The following UBALD1 variants were observed in gnomAD, a reference collection of about 807,000 sequenced individuals.
The protein encoded by UBALD1 is UBA-like domain-containing protein 1.
In UBALD1, 5 loss-of-function variants were observed where a neutral mutation model predicts 16.1. That is an observed-to-expected ratio of 0.31 (90% CI 0.16 to 0.66). The LOEUF is 0.66. Ranked by LOEUF, UBALD1 falls within the 30% of genes least tolerant of loss-of-function variation. The probability of loss-of-function intolerance (pLI) is 0.77; values close to 1 mark genes in which losing one functional copy is unlikely to be tolerated. For synonymous variants in UBALD1, 146 were observed against 105.3 expected (o/e 1.39, Z -2.37); for missense variants, 220 against 252.8 (o/e 0.87, Z 0.88).
rs1897323138 is a variant in UBALD1, at chr16:4,609,033, C to T, written c.*600G>A. ...TCCTGGAGTTTCCCACAATCCTTTT[C>T]TCTGCAAGGAACAGCAACGCTGGCT... On this transcript the variant is annotated 3_prime_UTR_variant, in exon 3 of 3. Coordinates refer to ENST00000283474, the MANE Select transcript of UBALD1 (RefSeq NM_145253.3). The T allele has an allele frequency of 6.8e-6, 1 of 146,888 alleles. No homozygotes were observed. Among genetic ancestry groups the T allele is most frequent in the Non-Finnish European group, 1.5e-5 (1 of 67,264 alleles). The allele number at this position is 146,888 out of a possible 1,614,324, so 9.1% of individuals were successfully genotyped here.
In UBALD1 at chr16:4,614,872, C is replaced by A; in HGVS notation, c.-75G>T. On this transcript the variant is annotated 5_prime_UTR_variant, in exon 1 of 3. Coordinates refer to ENST00000283474, the MANE Select transcript of UBALD1 (RefSeq NM_145253.3). Reference sequence around the variant, plus strand: ...GCCTCACGCGTCCACCATTAGCGAGCCGGCTCCGGCTAATACAAATATTTA... The same window carrying A: ...GCCTCACGCGTCCACCATTAGCGAGACGGCTCCGGCTAATACAAATATTTA... 3 of 1,352,800 alleles carry A rather than the reference C, an allele frequency of 2.2e-6. No homozygotes were observed. Among genetic ancestry groups the A allele is most frequent in the Non-Finnish European group, 1.9e-6 (2 of 1,038,848 alleles). 83.8% of individuals were successfully genotyped at this position (1,352,800 alleles called of 1,614,324 possible). A position where few individuals can be genotyped will look rare whatever the true frequency, so the allele number is the denominator to read the frequency against.
intron 1 of UBALD1, chr16:4,611,060 A>T: frequency 4.7e-6 from 1 of 212,186 alleles, no homozygotes; most frequent in Admixed American, 5.9e-5. Context: ...AAGGAGTCTG[A>T]GCCTGGTGGT....
chr16:4,610,377 G>A (rs1405040294), intron 2 of UBALD1, 116 bp downstream of exon 2: 42 of 1,148,764 alleles, frequency 3.7e-5, no homozygotes, highest in African/African-American at 1.5e-5. Context: ...CTCCAAAGAG[G>A]TCGAGCCCCG....
In UBALD1 at chr16:4,609,667, G is replaced by A; in HGVS notation, c.500C>T (p.Pro167Leu). The change falls in exon 3 of 3, where the codon CCC (proline) becomes CTC (leucine). Residue 167 changes from proline (P) to leucine (L), a missense_variant. Physicochemically the swap from Pro to Leu is moderately conservative, Grantham distance 98 (BLOSUM62 -3). Transcript: ENST00000283474. Reference sequence around the variant, plus strand: ...TGCCTCCATGGCAGGGTGGGCCCTGGGTTCTGAGGTGGCCTGTTGGGGGGC... The same window carrying A: ...TGCCTCCATGGCAGGGTGGGCCCTGAGTTCTGAGGTGGCCTGTTGGGGGGC... ...PLAPQQATSEPRAHPAMEAER is the reference protein window; with the variant it reads ...PLAPQQATSELRAHPAMEAER The A allele has an allele frequency of 6.9e-7, 1 of 1,439,160 alleles. No individual in the cohort carries two copies. The highest frequency in any genetic ancestry group is 9.1e-7 in the Non-Finnish European group (1 of 1,096,172). 89.1% of individuals were successfully genotyped at this position (1,439,160 alleles called of 1,614,324 possible).
rs555442398 is a variant in UBALD1 at position 4,613,505 on chromosome 16, G to T, written c.120+1173C>A. ...CTTGGGACATTCTGATCCCCCTGCA[G>T]TCCCCAGGAAGCGGAGCCTCAGAGT... is the stretch of plus-strand genomic sequence containing the variant. On this transcript the variant is annotated intron_variant, in intron 1 of 2. Coordinates refer to ENST00000283474, the MANE Select transcript of UBALD1 (RefSeq NM_145253.3). Among the ~76,000 whole-genome samples, 17 of 152,270 alleles carry T rather than the reference G, an allele frequency of 1.1e-4. No individual in the cohort carries two copies. In the South Asian group the frequency reaches 3.5e-3, roughly 32 times the overall value.
At position 4,609,287 on chromosome 16, in the gene UBALD1, A is replaced by C; in HGVS notation, c.*346T>G. 6.8e-5 allele frequency: 15 copies of C among 220,844 alleles called. No individual in the cohort carries two copies. The highest frequency in any genetic ancestry group is 9.0e-5 in the East Asian group (1 of 11,062). The allele number at this position is 220,844 out of a possible 1,614,324, so 13.7% of individuals were successfully genotyped here. On this transcript the variant is annotated 3_prime_UTR_variant, in exon 3 of 3. Transcript: ENST00000283474. ...GCCCCCAAGGAGCTCCAAGCCAGGGATCAGCAATGTCTCTGCCAGGGTGGT... is the reference window on the plus strand; with the variant it reads ...GCCCCCAAGGAGCTCCAAGCCAGGGCTCAGCAATGTCTCTGCCAGGGTGGT...
Position 4,609,683 on chromosome 16 carries a change from G to C in UBALD1, c.484C>G (p.Gln162Glu), listed in dbSNP as rs146689623. ...TGGGCCCTGGGTTCTGAGGTGGCCT[G>C]TTGGGGGGCCAGGGGTGGCCAGTCT... The part of the protein sequence containing the change: ...ASDWPPLAPQ[Q>E]ATSEPRAHPA... Residue 162 changes from glutamine to glutamate, a missense_variant, in exon 3 of 3, where the codon CAG becomes GAG. Transcript: ENST00000283474. 3.4e-4 allele frequency: 496 copies of C among 1,473,548 alleles called. 2 individuals are homozygous for C. In the African/African-American group the frequency reaches 6.5e-3, roughly 19 times the overall value. 91.3% of individuals were successfully genotyped at this position (1,473,548 alleles called of 1,614,324 possible).
chr16:4,614,561 C>A, intron 1 of UBALD1, 117 bp downstream of exon 1: 1 of 1,292,046 alleles, frequency 7.7e-7, no homozygotes, highest in Non-Finnish European at 9.9e-7. Context: ...GTCGGGTCTG[C>A]GGCCCGGAGG....
rs953414117 is a variant in UBALD1, at chr16:4,614,247, C to T, written c.120+431G>A. On this transcript the variant is annotated intron_variant, in intron 1 of 2. Coordinates refer to ENST00000283474, the MANE Select transcript of UBALD1 (RefSeq NM_145253.3). ...CATGGACGTGTGCGCACGCCGCCGA[C>T]CGCCCACCAGGCACGCGGACCCTCG... The T allele has an allele frequency of 2.0e-5, 7 of 345,328 alleles. No individual in the cohort carries two copies. In the East Asian group the frequency reaches 3.0e-4, roughly 15 times the overall value. 21.4% of individuals were successfully genotyped at this position (345,328 alleles called of 1,614,324 possible). A position where few individuals can be genotyped will look rare whatever the true frequency, so the allele number is the denominator to read the frequency against.
At chr16:4,614,501 G>A (rs1396543941) in intron 1 of UBALD1, 177 bp downstream of exon 1, 3 of 1,124,760 alleles carry the variant, frequency 2.7e-6, no homozygotes, top group Non-Finnish European at 1.2e-6. Context: ...ACCTCCGCCC[G>A]CCGCGAGCCC....
chr16:4,614,490 C>T, intron 1 of UBALD1, 188 bp downstream of exon 1: 1 of 1,026,096 alleles, frequency 9.7e-7, no homozygotes, highest in South Asian at 2.2e-5. Flanking sequence ...GCCCGGTTCC[C>T]ACCTCCGCCC....
rs776843907 is a variant in UBALD1, at chr16:4,609,995, AGAGAG to A, written c.184-17_184-13del. 6.4e-6 allele frequency: 10 copies of A among 1,559,762 alleles called. No individual in the cohort carries two copies. In the African/African-American group the frequency reaches 9.5e-5, roughly 15 times the overall value. ...GCGGGGGTGCACATCTGTGAGGGGA[AGAGAG>A]GAGAGATGGGGTGAGCACCCCTTCC... On this transcript the variant is annotated splice_polypyrimidine_tract_variant and intron_variant, in intron 2 of 2. Coordinates refer to ENST00000283474, the MANE Select transcript of UBALD1 (RefSeq NM_145253.3).
chr16:4,610,245 CG>C (rs2141783374), intron 2 of UBALD1: 1 of 712,972 alleles, frequency 1.4e-6, no homozygotes, highest in South Asian at 1.5e-5. Flanking sequence ...ACAGCATCCC[CG>C]GGGGCTGTAG....
intron 1 of UBALD1, 65 bp downstream of exon 1, chr16:4,614,613 C>A (rs1449277110): frequency 1.5e-6 from 2 of 1,292,624 alleles, no homozygotes; most frequent in African/African-American, 1.6e-5. Context: ...CGCCCCCGCC[C>A]GGCGGCCACG....
chr16:4,614,385 C>G (rs898011956), intron 1 of UBALD1: 134 of 377,686 alleles, frequency 3.5e-4, no homozygotes, highest in Non-Finnish European at 5.5e-4. Context: ...CCGCCCGGCC[C>G]TCGGCCGTTA....
At chr16:4,610,215 CCCA>C in intron 2 of UBALD1, 1 of 711,864 alleles carries the variant, frequency 1.4e-6, no homozygotes, top group East Asian at 2.7e-5. Context: ...GCTTTCCCAG[CCCA>C]CCCCTTTCCA....
In UBALD1 at chr16:4,609,440, C is replaced by G. The variant is rs529185881; in HGVS notation, c.*193G>C. The G allele has an allele frequency of 2.0e-5, 8 of 405,306 alleles. No individual in the cohort carries two copies. In the Admixed American group the frequency reaches 3.4e-4, roughly 17 times the overall value. 25.1% of individuals were successfully genotyped at this position (405,306 alleles called of 1,614,324 possible). A position where few individuals can be genotyped will look rare whatever the true frequency, so the allele number is the denominator to read the frequency against. On this transcript the variant is annotated 3_prime_UTR_variant, in exon 3 of 3. Coordinates refer to ENST00000283474, the MANE Select transcript of UBALD1 (RefSeq NM_145253.3). ...ACTCCATGTGCCGGGGCCGCTGGGG[C>G]CATGACCTTGCGTGTGGGCAGCTGC...
intron 1 of UBALD1, 100 bp downstream of exon 1, chr16:4,614,578 A>C (rs1297529056): frequency 7.8e-7 from 1 of 1,278,068 alleles, no homozygotes; most frequent in Non-Finnish European, 9.9e-7. Flanking sequence ...GAGGGGGCGC[A>C]CAGCCGGCAC....
intron 1 of UBALD1, among the ~76,000 whole-genome samples, chr16:4,612,070 T>TC (rs1897364898): frequency 6.7e-6 from 1 of 150,134 alleles, no homozygotes; most frequent in East Asian, 2.0e-4. Flanking sequence ...TAGATTTTTT[T>TC]TTTTTTTTTT....
Sources: allele counts gnomAD v4.1 joint callset (sites outside exome capture counted in the v4.1 genomes callset), GRCh38; gene constraint gnomAD v4.1.1; transcripts MANE v1.5; gene names NCBI Gene and HGNC (gene_info 2026-07-23, HGNC 2026-07-21).